GATA6: variants seen among roughly 807,000 people sequenced by gnomAD.
The protein encoded by GATA6 is transcription factor GATA-6.
GATA6 carries 11 observed loss-of-function variants against 48.1 expected under a neutral mutation model. That is an observed-to-expected ratio of 0.23 (90% CI 0.14 to 0.38). The LOEUF is 0.38. Among genes scored for constraint, GATA6 ranks in the 10% least tolerant of loss-of-function variants. The probability of loss-of-function intolerance (pLI) is 1.00; values close to 1 mark genes in which losing one functional copy is unlikely to be tolerated. For missense variants in GATA6, 795 were observed against 850.3 expected, an observed-to-expected ratio of 0.93 and a Z score of 0.81; for synonymous variants, 419 against 396.1, an observed-to-expected ratio of 1.06 and a Z score of -0.69.
chr18:22,177,244 C>G (rs371429311), intron 3 of GATA6, 123 bp downstream of exon 3: 2 of 868,788 alleles, frequency 2.3e-6, no homozygotes, highest in South Asian at 3.9e-5. Context: ...GCGGCCGCTG[C>G]GGTCCCACCC....
rs2033254969 is a variant in GATA6 at position 22,185,714 on chromosome 18, T to C, written c.1620+2671T>C. On this transcript the variant is annotated intron_variant, in intron 6 of 6. Transcript: ENST00000269216. The surrounding 1 kb of genome is among the most constrained non-coding windows in gnomAD (Gnocchi z 4.3). ...GTCTGCTGGCTGCCTTTGGAAGCTG[T>C]CCCCCTGTAAGAATACCTGTAGTAG... 6.6e-6 allele frequency among the ~76,000 whole-genome samples: 1 copy of C among 152,222 alleles called. No homozygotes were observed. The highest frequency in any genetic ancestry group is 6.5e-5 in the Admixed American group (1 of 15,286).
In GATA6 at chr18:22,172,282, A is replaced by C; in HGVS notation, c.1135+3A>C. On this transcript the variant is annotated splice_donor_region_variant and intron_variant, in intron 2 of 6. Coordinates refer to ENST00000269216, the MANE Select transcript of GATA6 (RefSeq NM_005257.6). The surrounding 1 kb of genome is among the most constrained non-coding windows in gnomAD (Gnocchi z 5.2). ...GGTGCCCCGGGGTCCCAGTGCAGGT[A>C]AGGGTCGCGCCTCAGGTTCGGGGTG... is the stretch of plus-strand genomic sequence containing the variant. 6.5e-7 allele frequency: 1 copy of C among 1,531,902 alleles called. No individual in the cohort carries two copies. Among genetic ancestry groups the C allele is most frequent in the East Asian group, 2.5e-5 (1 of 40,754 alleles). The allele number at this position is 1,531,902 out of a possible 1,614,324, so 94.9% of individuals were successfully genotyped here.
At chr18:22,184,693 T>A (rs960532130) in intron 6 of GATA6, among the ~76,000 whole-genome samples, 13 of 151,818 alleles carry the variant, frequency 8.6e-5, no homozygotes, top group African/African-American at 3.1e-4. Flanking sequence ...GAGACGGGGT[T>A]TCACCATGTT....
intron 6 of GATA6, among the ~76,000 whole-genome samples, chr18:22,198,072 TTC>T (rs202205664): frequency 7.5e-6 from 1 of 133,844 alleles, no homozygotes; most frequent in African/African-American, 2.9e-5. Flanking sequence ...TTCTCTTTCT[TTC>T]TTTTTTTTTT....
intron 3 of GATA6, among the ~76,000 whole-genome samples, chr18:22,179,249 T>A (rs2033165141): frequency 6.6e-6 from 1 of 152,234 alleles, no homozygotes; most frequent in African/African-American, 2.4e-5. Flanking sequence ...TTTTGATGGA[T>A]CTGGCTTAGT....
In GATA6 at chr18:22,171,968, C is replaced by G. The variant is rs1038983311; in HGVS notation, c.824C>G (p.Ala275Gly). 1.7e-6 allele frequency: 2 copies of G among 1,208,364 alleles called. No homozygotes were observed. Among genetic ancestry groups the G allele is most frequent in the African/African-American group, 3.2e-5 (2 of 63,238 alleles). The allele number at this position is 1,208,364 out of a possible 1,614,324, so 74.9% of individuals were successfully genotyped here. ...CCCAGCCCGCCCATGGCCAACGGCG[C>G]CGCGCGGGAGCCGGGAGGCTACGCG... ...YSPSPPMANG[A>G]AREPGGYAAA... The change falls in exon 2 of 7, where the codon GCC (alanine) becomes GGC (glycine). Residue 275 changes from alanine to glycine, a missense_variant. Ala to Gly is a moderately conservative substitution (Grantham distance 60). Coordinates refer to ENST00000269216, the MANE Select transcript of GATA6 (RefSeq NM_005257.6). The surrounding 1 kb of genome is among the most constrained non-coding windows in gnomAD (Gnocchi z 7.1).
At chr18:22,192,727 T>C (rs927686869) in intron 6 of GATA6, among the ~76,000 whole-genome samples, 2 of 152,242 alleles carry the variant, frequency 1.3e-5, no homozygotes, top group African/African-American at 4.8e-5. Flanking sequence ...TAGAATAGTG[T>C]AATTCATTCT....
chr18:22,177,217 C>CTGGGAGGGGGA, intron 3 of GATA6, 96 bp downstream of exon 3: 1 of 1,201,422 alleles, frequency 8.3e-7, no homozygotes, highest in Non-Finnish European at 1.1e-6. Context: ...TGGGCGTCCC[C>CTGGGAGGGGGA]CTCCCAGGGG....
chr18:22,176,895 C>G (rs3764504), intron 2 of GATA6, 60 bp from the exon 3 acceptor site: 242 of 1,501,490 alleles, frequency 1.6e-4, no homozygotes, highest in Non-Finnish European at 1.8e-4. Flanking sequence ...CCCGGGGTGA[C>G]GCGGGGAGGG....
chr18:22,184,259 C>T (rs539961018), intron 6 of GATA6, among the ~76,000 whole-genome samples: 3 of 152,038 alleles, frequency 2.0e-5, no homozygotes, highest in South Asian at 4.2e-4. Flanking sequence ...TGTCCTCCTA[C>T]CCAAATTCTT....
At position 22,171,293 on chromosome 18, in the gene GATA6, G is replaced by T. The variant is rs761329606; in HGVS notation, c.149G>T (p.Gly50Val). 6.3e-7 allele frequency: 1 copy of T among 1,593,470 alleles called. No individual in the cohort carries two copies. Among genetic ancestry groups the T allele is most frequent in the Non-Finnish European group, 8.5e-7 (1 of 1,176,076 alleles). Residue 50 changes from glycine to valine, a missense_variant, in exon 2 of 7, where the codon GGA becomes GTA. Around this residue, in one of 5 missense-constraint regions of GATA6, gnomAD observed 591 missense variants for 570.0 expected, o/e 1.04. Coordinates refer to ENST00000269216, the MANE Select transcript of GATA6 (RefSeq NM_005257.6). This position sits in a 1 kb window ranked among gnomAD's most constrained non-coding sequence, Gnocchi z 7.1. ...SSSSSSCSRGGERGPGGASNC... is the reference protein window; with the variant it reads ...SSSSSSCSRGVERGPGGASNC... The stretch of plus-strand genomic sequence containing the variant: ...TCGTCCTCCTCCTGCTCCCGGGGCG[G>T]AGAGCGGGGCCCCGGCGGCGCCAGC...
chr18:22,181,525 G>A lies in GATA6; in HGVS notation c.1375G>A (p.Ala459Thr), dbSNP rs151176879. The A allele has an allele frequency of 1.5e-4, 244 of 1,614,158 alleles. No homozygotes were observed. In the African/African-American group the frequency reaches 2.8e-3, roughly 19 times the overall value. Residue 459 changes from alanine (A) to threonine (T), a missense_variant, in exon 4 of 7, where the codon GCC becomes ACC. Physicochemically the swap from Ala to Thr is moderately conservative, Grantham distance 58. This residue lies in a region of GATA6 where 76 missense variants were observed against 113.1 expected (regional missense o/e 0.67). Coordinates refer to ENST00000269216, the MANE Select transcript of GATA6 (RefSeq NM_005257.6). The stretch of plus-strand genomic sequence containing the variant: ...AACTACCACCTTATGGCGCAGAAAC[G>A]CCGAGGGTGAACCCGTGTGCAATGC... The part of the protein sequence containing the change: ...TTTTTLWRRN[A>T]EGEPVCNACG...
intron 3 of GATA6, 67 bp downstream of exon 3, chr18:22,177,188 G>C: frequency 7.0e-7 from 1 of 1,431,736 alleles, no homozygotes; most frequent in Non-Finnish European, 9.2e-7. Flanking sequence ...GGCCGGCCCC[G>C]CCCTGGCTCG....
rs956219984 is a variant in GATA6, at chr18:22,201,133, T to A, written c.*310T>A. The A allele has an allele frequency of 4.7e-5, 18 of 384,468 alleles. No homozygotes were observed. Among genetic ancestry groups the A allele is most frequent in the African/African-American group, 2.6e-4 (13 of 49,612 alleles). The allele number at this position is 384,468 out of a possible 1,614,324, so 23.8% of individuals were successfully genotyped here. ...CTATGGAATATTGAGAGAGATTTTTTAAAAAAGATTTTGCATTTTGTCCAA... is the reference window on the plus strand; with the variant it reads ...CTATGGAATATTGAGAGAGATTTTTAAAAAAAGATTTTGCATTTTGTCCAA... On this transcript the variant is annotated 3_prime_UTR_variant, in exon 7 of 7. Coordinates refer to ENST00000269216, the MANE Select transcript of GATA6 (RefSeq NM_005257.6).
At chr18:22,189,510 G>C (rs1329117284) in intron 6 of GATA6, among the ~76,000 whole-genome samples, 1 of 152,024 alleles carries the variant, frequency 6.6e-6, no homozygotes, top group African/African-American at 2.4e-5. Flanking sequence ...TGTGCACTAT[G>C]GTTGGTCACA....
rs765926114 is a variant in GATA6, at chr18:22,181,523, A to G, written c.1373A>G (p.Asn458Ser). Residue 458 changes from asparagine to serine, a missense_variant, in exon 4 of 7, where the codon AAC (asparagine) becomes AGC (serine). Asn to Ser is a conservative substitution (Grantham distance 46). This residue lies in a region of GATA6 where 76 missense variants were observed against 113.1 expected (regional missense o/e 0.67). Transcript: ENST00000269216. The stretch of plus-strand genomic sequence containing the variant: ...ACAACTACCACCTTATGGCGCAGAA[A>G]CGCCGAGGGTGAACCCGTGTGCAAT... Reference protein sequence around the residue: ...HTTTTTLWRRNAEGEPVCNAC... With the variant: ...HTTTTTLWRRSAEGEPVCNAC... 1 of 1,614,134 alleles carries G rather than the reference A, an allele frequency of 6.2e-7. No individual in the cohort carries two copies.
At chr18:22,180,521 G>C (rs907508960) in intron 3 of GATA6, among the ~76,000 whole-genome samples, 8 of 152,028 alleles carry the variant, frequency 5.3e-5, no homozygotes, top group Admixed American at 5.2e-4. Context: ...AATACTGATA[G>C]GGCAAATACT....
At chr18:22,195,526 G>A (rs2033379197) in intron 6 of GATA6, among the ~76,000 whole-genome samples, 1 of 152,142 alleles carries the variant, frequency 6.6e-6, no homozygotes, top group South Asian at 2.1e-4. Flanking sequence ...AATTACTTTG[G>A]CAACAACCTA....
Position 22,172,210 on chromosome 18 carries a change from A to C in GATA6, c.1066A>C (p.Thr356Pro), listed in dbSNP as rs1442097097. The change falls in exon 2 of 7, where the codon ACC (threonine) becomes CCC (proline). Residue 356 changes from threonine (T) to proline (P), a missense_variant. Thr to Pro is a conservative substitution (Grantham distance 38). Around this residue, in one of 5 missense-constraint regions of GATA6, gnomAD observed 591 missense variants for 570.0 expected, o/e 1.04. Coordinates refer to ENST00000269216, the MANE Select transcript of GATA6 (RefSeq NM_005257.6). This position sits in a 1 kb window ranked among gnomAD's most constrained non-coding sequence, Gnocchi z 5.2. ...TPAWPAGPFE[T>P]PVLHSLQSRA... ...TGCCTGGCCCGCCGGACCCTTCGAG[A>C]CCCCGGTGCTGCACAGCCTGCAGAG... is the stretch of plus-strand genomic sequence containing the variant. The C allele has an allele frequency of 2.0e-6, 3 of 1,532,930 alleles. No homozygotes were observed. 95.0% of individuals were successfully genotyped at this position (1,532,930 alleles called of 1,614,324 possible).
Sources: allele counts gnomAD v4.1 joint callset (sites outside exome capture counted in the v4.1 genomes callset), GRCh38; gene constraint gnomAD v4.1.1; regional missense constraint gnomAD v4.1.1; non-coding constraint Gnocchi (gnomAD v3.1); transcripts MANE v1.5; gene names NCBI Gene and HGNC (gene_info 2026-07-23, HGNC 2026-07-21).